Variants in LETM2 observed in about 807,000 individuals in gnomAD.
LETM2 encodes the protein LETM1 domain-containing protein LETM2, mitochondrial.
LETM2 carries 58 observed loss-of-function variants against 59.6 expected under a neutral mutation model. The ratio of observed to expected loss-of-function variants is 0.97; its 90% confidence interval spans 0.79 to 1.21. The LOEUF is 1.21. Ranked by LOEUF, LETM2 falls within the 50% of genes most tolerant of loss-of-function variation. LETM2 has a pLI of 0.00. For synonymous variants in LETM2, 199 were observed against 214.1 expected, an observed-to-expected ratio of 0.93 and a Z score of 0.62; for missense variants, 572 against 575.7, an observed-to-expected ratio of 0.99 and a Z score of 0.07.
chr8:38,395,205 G>T (rs1466168936), intron 4 of LETM2, among the ~76,000 whole-genome samples: 1 of 152,204 alleles, frequency 6.6e-6, no homozygotes, highest in African/African-American at 2.4e-5. Flanking sequence ...GTTTTTGTGT[G>T]GATGTAAGCT....
intron 2 of LETM2, among the ~76,000 whole-genome samples, chr8:38,392,263 A>G (rs1201947606): frequency 6.6e-6 from 1 of 152,038 alleles, no homozygotes; most frequent in East Asian, 1.9e-4. Context: ...CGACTCTACT[A>G]AAAATACAAA....
intron 3 of LETM2, chr8:38,393,206 G>T: frequency 2.0e-6 from 1 of 506,442 alleles, no homozygotes; most frequent in African/African-American, 1.9e-5. Flanking sequence ...CTGTATAACG[G>T]TTTTTAAAAA....
chr8:38,383,983 A>G (rs1483252392), upstream of LETM2, among the ~76,000 whole-genome samples: 1 of 152,126 alleles, frequency 6.6e-6, no homozygotes, highest in Admixed American at 6.5e-5. Flanking sequence ...TTTTAAACGT[A>G]TGCTTTAAGT....
chr8:38,395,775 C>G (rs919832994), intron 4 of LETM2, among the ~76,000 whole-genome samples: 8 of 152,224 alleles, frequency 5.3e-5, no homozygotes, highest in African/African-American at 1.9e-4. Flanking sequence ...CTCAGCCTCC[C>G]AAAGTGTTGG....
chr8:38,408,781 G>C lies in LETM2; in HGVS notation c.*507G>C, dbSNP rs536277679. On this transcript the variant is annotated 3_prime_UTR_variant, in exon 11 of 11. Coordinates refer to ENST00000379957, the MANE Select transcript of LETM2 (RefSeq NM_001286819.2). ...ATGGGATGGATATACTCCCCAGTAA[G>C]ATCTTTCTGGATATAATGAAGCTTC... 3 of 152,490 alleles carry C rather than the reference G, an allele frequency of 2.0e-5. No homozygotes were observed. The highest frequency in any genetic ancestry group is 2.0e-4 in the Admixed American group (3 of 15,302). 9.4% of individuals were successfully genotyped at this position (152,490 alleles called of 1,614,324 possible).
intron 4 of LETM2, among the ~76,000 whole-genome samples, chr8:38,398,250 TAATC>T (rs1485608120): frequency 7.5e-4 from 114 of 152,230 alleles, no homozygotes; most frequent in Non-Finnish European, 1.3e-4. Flanking sequence ...ACATTTAAAA[TAATC>T]AGCATCTAGA....
At chr8:38,393,537 C>T (rs1057233381) in intron 3 of LETM2, 5 of 153,730 alleles carry the variant, frequency 3.3e-5, no homozygotes, top group African/African-American at 1.2e-4. Context: ...GTCCCAGCTA[C>T]CCAGGAGGCT....
At chr8:38,396,028 A>G (rs1019359570) in intron 4 of LETM2, among the ~76,000 whole-genome samples, 1 of 152,140 alleles carries the variant, frequency 6.6e-6, no homozygotes, top group Non-Finnish European at 1.5e-5. Flanking sequence ...TCTTTCATGA[A>G]TCATGCTTTT....
chr8:38,392,917 G>T lies in LETM2; in HGVS notation c.423G>T (p.Trp141Cys). The T allele has an allele frequency of 1.2e-6, 2 of 1,613,142 alleles. No individual in the cohort carries two copies. The highest frequency in any genetic ancestry group is 1.7e-6 in the Non-Finnish European group (2 of 1,180,030). ...KYYYNGFYLLWIDAKVAARMV... is the reference protein window; with the variant it reads ...KYYYNGFYLLCIDAKVAARMV... ...ATTACAATGGATTCTACTTACTTTGGATTGACGCCAAAGTTGCTGCCAGAA... is the reference window on the plus strand; with the variant it reads ...ATTACAATGGATTCTACTTACTTTGTATTGACGCCAAAGTTGCTGCCAGAA... The change falls in exon 3 of 11, where the codon TGG (tryptophan) becomes TGT (cysteine). Residue 141 changes from tryptophan to cysteine, a missense_variant. Physicochemically the swap from Trp to Cys is radical, Grantham distance 215 (BLOSUM62 -2). Coordinates refer to ENST00000379957, the MANE Select transcript of LETM2 (RefSeq NM_001286819.2).
At chr8:38,388,357 G>A (rs1287370609) in intron 2 of LETM2, among the ~76,000 whole-genome samples, 2 of 151,830 alleles carry the variant, frequency 1.3e-5, no homozygotes, top group Non-Finnish European at 2.9e-5. Flanking sequence ...TGGGATTACA[G>A]GCGTGAGTCA....
rs1814001143 is a variant in LETM2 at position 38,409,364 on chromosome 8, C to T, written c.*1090C>T. ...ACCAGCACTTCACAGCAAGAATATG[C>T]ATTCTACAATGCTTTCTAAATTTGT... On this transcript the variant is annotated 3_prime_UTR_variant, in exon 11 of 11. Coordinates refer to ENST00000379957, the MANE Select transcript of LETM2 (RefSeq NM_001286819.2). The T allele has an allele frequency of 6.6e-6, 1 of 152,212 alleles. No homozygotes were observed. Among genetic ancestry groups the T allele is most frequent in the Admixed American group, 6.5e-5 (1 of 15,274 alleles). The allele number at this position is 152,212 out of a possible 1,614,324, so 9.4% of individuals were successfully genotyped here.
chr8:38,401,279 G>A (rs1813202525), intron 6 of LETM2, among the ~76,000 whole-genome samples: 1 of 152,130 alleles, frequency 6.6e-6, no homozygotes, highest in African/African-American at 2.4e-5. Context: ...TGGGATTACA[G>A]GCACACATCA....
intron 3 of LETM2, 45 bp downstream of exon 3, chr8:38,393,040 G>C: frequency 6.8e-7 from 1 of 1,470,192 alleles, no homozygotes; most frequent in Non-Finnish European, 9.2e-7. Flanking sequence ...AAATTAAAAT[G>C]AACTATTTGG....
intron 10 of LETM2, 102 bp downstream of exon 10, chr8:38,407,565 C>A: frequency 1.3e-6 from 1 of 764,192 alleles, no homozygotes; most frequent in Non-Finnish European, 2.2e-6. Flanking sequence ...CAAAACACTG[C>A]ACAATTCTTC....
intron 9 of LETM2, 70 bp downstream of exon 9, chr8:38,407,108 G>T (rs1204781272): frequency 1.1e-6 from 1 of 918,542 alleles, no homozygotes; most frequent in African/African-American, 1.7e-5. Context: ...ATTTTCTCCT[G>T]TTTTAATCCC....
Position 38,407,460 on chromosome 8 carries a change from A to C in LETM2, c.1410A>C (p.Glu470Asp). 6.4e-7 allele frequency: 1 copy of C among 1,569,362 alleles called. No homozygotes were observed. The change falls in exon 10 of 11, where the codon GAA (glutamate) becomes GAC (aspartate). Residue 470 changes from glutamate (E) to aspartate (D), a missense_variant. By Grantham distance (45) the Glu-to-Asp change is conservative. Coordinates refer to ENST00000379957, the MANE Select transcript of LETM2 (RefSeq NM_001286819.2). ...LPKGPITSSE[E>D]PTLQAKSQMT... ...AAGGACCCATCACTTCTTCTGAAGA[A>C]CCTGTAAGTATCTTTAATAAATGAA...
At position 38,400,846 on chromosome 8, in the gene LETM2, T is replaced by C. The variant is rs1198559048; in HGVS notation, c.784-7T>C. 1.2e-6 allele frequency: 2 copies of C among 1,610,996 alleles called. No homozygotes were observed. Among genetic ancestry groups the C allele is most frequent in the African/African-American group, 1.3e-5 (1 of 74,832 alleles). On this transcript the variant is annotated splice_polypyrimidine_tract_variant and splice_region_variant and intron_variant, in intron 5 of 10. Coordinates refer to ENST00000379957, the MANE Select transcript of LETM2 (RefSeq NM_001286819.2). Reference sequence around the variant, plus strand: ...ATTTTAATTGGCCTTTTTGTCCCACTGCATAGGTCCAGACAGGCCACAAGC... The same window carrying C: ...ATTTTAATTGGCCTTTTTGTCCCACCGCATAGGTCCAGACAGGCCACAAGC...
chr8:38,384,265 A>G (rs1291420822), upstream of LETM2, among the ~76,000 whole-genome samples: 3 of 152,102 alleles, frequency 2.0e-5, no homozygotes, highest in Admixed American at 1.3e-4. Flanking sequence ...AATTGTCCCC[A>G]GGGATCTTAT....
chr8:38,404,319 G>A, intron 7 of LETM2, 74 bp from the exon 8 acceptor site: 1 of 1,018,264 alleles, frequency 9.8e-7, no homozygotes, highest in South Asian at 1.4e-5. Flanking sequence ...GTCAGCCAGG[G>A]AGGGTAGATG....
Sources: allele counts gnomAD v4.1 joint callset (sites outside exome capture counted in the v4.1 genomes callset), GRCh38; gene constraint gnomAD v4.1.1; transcripts MANE v1.5; gene names NCBI Gene and HGNC (gene_info 2026-07-23, HGNC 2026-07-21).